Variants in FAAH2 observed in about 807,000 individuals in gnomAD.
FAAH2 encodes the protein fatty acid amide hydrolase 2.
In FAAH2, 60 loss-of-function variants were observed where a neutral mutation model predicts 36.9. The ratio of observed to expected loss-of-function variants is 1.63; its 90% confidence interval spans 1.32 to 2.02. FAAH2 has a LOEUF of 2.02. FAAH2 is among the 30% of genes most tolerant of loss of function. The pLI is 0.00. For synonymous variants in FAAH2, 214 were observed against 143.8 expected, an observed-to-expected ratio of 1.49 and a Z score of -3.49; for missense variants, 689 against 397.5, an observed-to-expected ratio of 1.73 and a Z score of -6.23.
chrX:57,470,051 T>G (rs2057131122), intron 10 of FAAH2, among the ~76,000 whole-genome samples: 1 of 111,688 alleles, frequency 9.0e-6, no homozygotes, highest in Non-Finnish European at 1.9e-5. Context: ...TCAAAACCAA[T>G]GAGAACAAAG....
the FAAH2 span, among the ~76,000 whole-genome samples, chrX:57,272,935 G>A: frequency 8.9e-6 from 1 of 111,774 alleles, no homozygotes; most frequent in African/African-American, 3.3e-5. Context: ...ATGGAAACAG[G>A]CCAAATGCCC....
At chrX:57,151,523 G>A in the FAAH2 span, among the ~76,000 whole-genome samples, 26 of 110,583 alleles carry the variant, frequency 2.4e-4, no homozygotes, top group Non-Finnish European at 2.8e-4. Flanking sequence ...ATCTTCCATC[G>A]TTGATACCCT....
chrX:57,275,114 GACAA>G, the FAAH2 span, among the ~76,000 whole-genome samples: 3 of 111,811 alleles, frequency 2.7e-5, no homozygotes, highest in Middle Eastern at 4.6e-3. Flanking sequence ...ACCAATAACA[GACAA>G]ACAGAGAGCA....
At chrX:57,298,862 G>A (rs895848759) in intron 2 of FAAH2, among the ~76,000 whole-genome samples, 1 of 105,738 alleles carries the variant, frequency 9.5e-6, no homozygotes, top group Admixed American at 1.0e-4. Flanking sequence ...AGAAGAAACG[G>A]ATAAATTCCT....
At chrX:57,201,731 C>G in the FAAH2 span, among the ~76,000 whole-genome samples, 1 of 111,067 alleles carries the variant, frequency 9.0e-6, no homozygotes, top group Non-Finnish European at 1.9e-5. Flanking sequence ...AATAATCATT[C>G]TACCCATATC....
the FAAH2 span, among the ~76,000 whole-genome samples, chrX:57,141,611 C>T: frequency 9.0e-6 from 1 of 111,176 alleles, no homozygotes; most frequent in Non-Finnish European, 1.9e-5. Flanking sequence ...ATCTCATTAC[C>T]TATTATTGGT....
At chrX:57,340,639 C>G (rs1831621138) in intron 4 of FAAH2, among the ~76,000 whole-genome samples, 1 of 111,649 alleles carries the variant, frequency 9.0e-6, no homozygotes, top group African/African-American at 3.3e-5. Flanking sequence ...ATGTCCTTTG[C>G]AGGGACATGG....
chrX:57,474,641 C>G (rs2057232191), intron 10 of FAAH2, among the ~76,000 whole-genome samples: 2 of 111,743 alleles, frequency 1.8e-5, no homozygotes, highest in African/African-American at 3.3e-5. Flanking sequence ...CAAGTCTTTG[C>G]TATTGTAAAT....
At chrX:57,133,087 G>C in the FAAH2 span, among the ~76,000 whole-genome samples, 1 of 111,180 alleles carries the variant, frequency 9.0e-6, no homozygotes, top group Non-Finnish European at 1.9e-5. Flanking sequence ...GGCCTTCCCT[G>C]GATACCTTGT....
chrX:57,228,912 C>CAA, the FAAH2 span: 1 of 109,854 alleles, frequency 9.1e-6, no homozygotes, highest in African/African-American at 3.3e-5. Flanking sequence ...GAACCTAAAG[C>CAA]AAAAAAAACA....
chrX:57,247,289 G>T, the FAAH2 span, among the ~76,000 whole-genome samples: 1 of 111,096 alleles, frequency 9.0e-6, no homozygotes, highest in African/African-American at 3.3e-5. Flanking sequence ...AATAAGAAAA[G>T]TTTTTTTTAC....
intron 10 of FAAH2, among the ~76,000 whole-genome samples, chrX:57,467,262 C>T (rs753255534): frequency 1.7e-4 from 19 of 110,696 alleles, no homozygotes; most frequent in South Asian, 3.8e-4. Flanking sequence ...TGCAGGACAG[C>T]GGGTGCAGTG....
Position 57,300,302 on chromosome X carries a change from G to A in FAAH2, c.275+7722G>A, listed in dbSNP as rs781124723. On this transcript the variant is annotated intron_variant, in intron 2 of 10. Transcript: ENST00000374900. ...AAACAGAGCCCTCAGAAACAATGCCGCATATCTACAACTATCTGATCTTTG... is the reference window on the plus strand; with the variant it reads ...AAACAGAGCCCTCAGAAACAATGCCACATATCTACAACTATCTGATCTTTG... 9.9e-5 allele frequency among the ~76,000 whole-genome samples: 11 copies of A among 111,104 alleles called. No individual in the cohort carries two copies. The South Asian group carries it at 1.1e-3, about 12-fold the overall frequency.
the FAAH2 span, among the ~76,000 whole-genome samples, chrX:57,151,987 T>TCA: frequency 8.9e-6 from 1 of 112,090 alleles, no homozygotes; most frequent in African/African-American, 3.2e-5. Context: ...GACAGGACCC[T>TCA]GAGGCCTGTT....
intron 2 of FAAH2, among the ~76,000 whole-genome samples, chrX:57,299,662 A>C (rs1445100774): frequency 1.8e-5 from 2 of 111,946 alleles, no homozygotes; most frequent in Non-Finnish European, 3.8e-5. Context: ...GAGGAAGTCA[A>C]ATTGTCCCTG....
intron 10 of FAAH2, among the ~76,000 whole-genome samples, chrX:57,481,910 G>A (rs1333667268): frequency 8.9e-6 from 1 of 111,882 alleles, no homozygotes; most frequent in African/African-American, 3.2e-5. Flanking sequence ...TTGTCTGTAA[G>A]CACCCGACTG....
intron 3 of FAAH2, among the ~76,000 whole-genome samples, chrX:57,327,918 G>C (rs2053266761): frequency 9.1e-6 from 1 of 110,207 alleles, no homozygotes; most frequent in Non-Finnish European, 1.9e-5. Context: ...GTGGTGCTCT[G>C]ATTTTTAGAG....
intron 8 of FAAH2, among the ~76,000 whole-genome samples, chrX:57,444,199 C>T (rs1472860051): frequency 2.7e-5 from 3 of 112,529 alleles, no homozygotes; most frequent in Non-Finnish European, 3.8e-5. Context: ...CTCTGCCCTG[C>T]CCCAGAGGTG....
At chrX:57,161,163 A>T in the FAAH2 span, among the ~76,000 whole-genome samples, 1 of 111,840 alleles carries the variant, frequency 8.9e-6, no homozygotes, top group Non-Finnish European at 1.9e-5. Context: ...CATGAGGTTG[A>T]GCAGTTTTGA....
Sources: gnomAD v4.1 joint callset for allele counts (sites outside exome capture counted in the v4.1 genomes callset) on GRCh38, gnomAD v4.1.1 for gene constraint, MANE v1.5 for transcripts, NCBI Gene and HGNC (gene_info 2026-07-23, HGNC 2026-07-21) for gene names.